TMTC1: variants seen among roughly 807,000 people sequenced by gnomAD.
TMTC1 encodes the protein protein O-mannosyl-transferase TMTC1.
Under a neutral mutation model 104.8 loss-of-function variants are expected in TMTC1, and 73 were observed. That is an observed-to-expected ratio of 0.70 (90% CI 0.58 to 0.85). The LOEUF is 0.85. TMTC1 is among the 40% of genes least tolerant of loss of function. The pLI is 0.00. For synonymous variants in TMTC1, 434 were observed against 428.7 expected (o/e 1.01, Z -0.15); for missense variants, 1,035 against 1,096.1 (o/e 0.94, Z 0.79).
rs555756077 is a variant in TMTC1 at position 29,662,582 on chromosome 12, G to A, written c.939-29246C>T. Reference sequence around the variant, plus strand: ...GAAGAATCATTTGAACCCGGGAGGCGGAGGTTGCAGTGAGCCGAGATCGTG... The same window carrying A: ...GAAGAATCATTTGAACCCGGGAGGCAGAGGTTGCAGTGAGCCGAGATCGTG... On this transcript the variant is annotated intron_variant, in intron 5 of 17. Coordinates refer to ENST00000539277, the MANE Select transcript of TMTC1 (RefSeq NM_001193451.2). 2.3e-4 allele frequency among the ~76,000 whole-genome samples: 35 copies of A among 150,218 alleles called. No homozygotes were observed. The East Asian group carries it at 6.5e-3, about 28-fold the overall frequency.
chr12:29,704,613 T>C (rs538647929), intron 5 of TMTC1, among the ~76,000 whole-genome samples: 87 of 152,332 alleles, frequency 5.7e-4, no homozygotes, highest in African/African-American at 2.0e-3. Context: ...TACACTGAAA[T>C]TTAATTGGAC....
chr12:29,726,707 G>C (rs1424436457), intron 5 of TMTC1, among the ~76,000 whole-genome samples: 1 of 151,992 alleles, frequency 6.6e-6, no homozygotes, highest in East Asian at 1.9e-4. Flanking sequence ...TCCATCCCTG[G>C]TTAAATGCTG....
At chr12:29,643,926 A>C (rs1168982329) in intron 5 of TMTC1, among the ~76,000 whole-genome samples, 1 of 111,230 alleles carries the variant, frequency 9.0e-6, no homozygotes, top group Non-Finnish European at 1.7e-5. Context: ...AATATATATA[A>C]ATAAATATAT....
intron 11 of TMTC1, chr12:29,530,066 T>G (rs1944457673): frequency 6.6e-6 from 1 of 152,242 alleles, no homozygotes; most frequent in African/African-American, 2.4e-5. Context: ...TACTTTAGAC[T>G]TTTCTCATGC....
intron 2 of TMTC1, among the ~76,000 whole-genome samples, chr12:29,761,912 G>A (rs1289747601): frequency 6.6e-6 from 1 of 152,066 alleles, no homozygotes; most frequent in Non-Finnish European, 1.5e-5. Context: ...CGGACGCAGT[G>A]GCTCATGTCA....
At chr12:29,636,939 C>G (rs952212111) in intron 5 of TMTC1, among the ~76,000 whole-genome samples, 1 of 151,684 alleles carries the variant, frequency 6.6e-6, no homozygotes, top group Non-Finnish European at 1.5e-5. Flanking sequence ...ACCTGTAGTC[C>G]CAGCTAGTCC....
chr12:29,642,323 T>G lies in TMTC1; in HGVS notation c.939-8987A>C, dbSNP rs116284629. On this transcript the variant is annotated intron_variant, in intron 5 of 17. Transcript: ENST00000539277. ...CAAAGTTAAGGCGAAGAAAAGAATC[T>G]TAGGAGCTGTGAGACACAGAAGCAC... Among the ~76,000 whole-genome samples the G allele has an allele frequency of 3.0e-3, 458 of 152,292 alleles. 2 individuals carry two copies. The highest frequency in any genetic ancestry group is 9.7e-3 in the African/African-American group (403 of 41,562).
At chr12:29,735,251 AG>A (rs1327882407) in intron 5 of TMTC1, among the ~76,000 whole-genome samples, 1 of 152,218 alleles carries the variant, frequency 6.6e-6, no homozygotes, top group Non-Finnish European at 1.5e-5. Context: ...CTGCTTGCAC[AG>A]GAAAAACAGA....
chr12:29,645,988 T>G (rs1439950389), intron 5 of TMTC1, among the ~76,000 whole-genome samples: 1 of 152,238 alleles, frequency 6.6e-6, no homozygotes, highest in Non-Finnish European at 1.5e-5. Flanking sequence ...CAATTCCCAC[T>G]GCAAGCATAT....
intron 5 of TMTC1, chr12:29,661,301 A>G: frequency 1.1e-6 from 1 of 911,544 alleles, no homozygotes; most frequent in Non-Finnish European, 1.3e-6. Context: ...AAACAAAATA[A>G]GAGTTTATTT....
chr12:29,525,826 T>C (rs1215086616), intron 11 of TMTC1, among the ~76,000 whole-genome samples: 1 of 152,250 alleles, frequency 6.6e-6, no homozygotes, highest in Non-Finnish European at 1.5e-5. Flanking sequence ...TCAGTTACCT[T>C]TGCCTAATGC....
At chr12:29,606,147 A>G (rs920624393) in intron 6 of TMTC1, among the ~76,000 whole-genome samples, 4 of 152,128 alleles carry the variant, frequency 2.6e-5, no homozygotes, top group Admixed American at 2.6e-4. Context: ...TGTCTTTGCT[A>G]TTGTGAAAAG....
chr12:29,761,066 T>C (rs1220235799), intron 2 of TMTC1, among the ~76,000 whole-genome samples: 1 of 148,004 alleles, frequency 6.8e-6, no homozygotes, highest in African/African-American at 2.4e-5. Flanking sequence ...AAGTATTATA[T>C]GTTTATATTA....
intron 5 of TMTC1, among the ~76,000 whole-genome samples, chr12:29,641,608 C>T (rs1347290471): frequency 6.6e-6 from 1 of 152,136 alleles, no homozygotes; most frequent in Non-Finnish European, 1.5e-5. Context: ...CAGCCCTAGA[C>T]CTTCCCTCTG....
chr12:29,660,913 G>C, intron 5 of TMTC1: 2 of 1,388,486 alleles, frequency 1.4e-6, no homozygotes, highest in South Asian at 2.7e-5. Flanking sequence ...AAAAATCTTA[G>C]ATAAGTGTGT....
intron 5 of TMTC1, among the ~76,000 whole-genome samples, chr12:29,732,157 G>T (rs1220569519): frequency 6.6e-6 from 1 of 152,116 alleles, no homozygotes; most frequent in African/African-American, 2.4e-5. Context: ...GGTAGCAAAT[G>T]ATAATTGCAA....
chr12:29,654,297 C>T (rs977070266), intron 5 of TMTC1, among the ~76,000 whole-genome samples: 7 of 152,076 alleles, frequency 4.6e-5, no homozygotes, highest in African/African-American at 7.2e-5. Context: ...TCTCCATCAA[C>T]GTAGTTCCAA....
intron 5 of TMTC1, among the ~76,000 whole-genome samples, chr12:29,722,122 C>T (rs935143009): frequency 3.9e-5 from 6 of 152,134 alleles, no homozygotes; most frequent in African/African-American, 1.4e-4. Flanking sequence ...CTTAGTATTG[C>T]TATAAGAATA....
At chr12:29,649,880 A>C (rs12423951) in intron 5 of TMTC1, among the ~76,000 whole-genome samples, 44,320 of 152,046 alleles carry the variant, frequency 0.29, 8,106 homozygotes, top group Admixed American at 0.44. Flanking sequence ...TGCTAACTAT[A>C]ACCAAGGTCA....
Sources: allele counts gnomAD v4.1 joint callset (sites outside exome capture counted in the v4.1 genomes callset), GRCh38; gene constraint gnomAD v4.1.1; transcripts MANE v1.5; gene names NCBI Gene and HGNC (gene_info 2026-07-23, HGNC 2026-07-21).